Variants in LYST observed in about 807,000 individuals in gnomAD.
LYST encodes the protein lysosomal trafficking regulator.
Under a neutral mutation model 413.6 loss-of-function variants are expected in LYST, and 192 were observed. The ratio of observed to expected loss-of-function variants is 0.46; its 90% CI spans 0.41 to 0.52. The LOEUF (loss-of-function observed/expected upper bound fraction) is 0.52. Ranked by LOEUF, LYST falls within the 20% of genes least tolerant of loss-of-function variation. LYST has a pLI of 0.00. For missense variants in LYST, 3,815 were observed against 4,499.9 expected (o/e 0.85, Z 4.35); for synonymous variants, 1,525 against 1,567.3 (o/e 0.97, Z 0.64).
chr1:235,814,974 T>C (rs554935750), intron 3 of LYST, among the ~76,000 whole-genome samples: 1 of 152,252 alleles, frequency 6.6e-6, no homozygotes, highest in African/African-American at 2.4e-5. Flanking sequence ...ACATACACTG[T>C]TTCTGCAATT....
At chr1:235,851,398 G>C (rs1678519235) in intron 1 of LYST, among the ~76,000 whole-genome samples, 1 of 151,198 alleles carries the variant, frequency 6.6e-6, no homozygotes, top group South Asian at 2.1e-4. Context: ...CTGAGGACTT[G>C]GGGGGAAGAG....
rs948962287 is a variant in LYST, at chr1:235,662,083, A to G, written c.*857T>C. 1 of 152,202 alleles carries G rather than the reference A, an allele frequency of 6.6e-6. No homozygotes were observed. The highest frequency in any genetic ancestry group is 2.4e-5 in the African/African-American group (1 of 41,460). The allele number at this position is 152,202 out of a possible 1,614,324, so 9.4% of individuals were successfully genotyped here. A position where few individuals can be genotyped will look rare whatever the true frequency, so the allele number is the denominator to read the frequency against. On this transcript the variant is annotated 3_prime_UTR_variant, in exon 53 of 53. Coordinates refer to ENST00000389793, the MANE Select transcript of LYST (RefSeq NM_000081.4). Reference sequence around the variant, plus strand: ...GGCTGTGTTCTTAATACCCATGCAAACTTCTTGCATACTGAAGGCTTTCTA... The same window carrying G: ...GGCTGTGTTCTTAATACCCATGCAAGCTTCTTGCATACTGAAGGCTTTCTA...
At chr1:235,880,325 T>C (rs938139692) in intron 1 of LYST, among the ~76,000 whole-genome samples, 1 of 152,226 alleles carries the variant, frequency 6.6e-6, no homozygotes, top group African/African-American at 2.4e-5. Flanking sequence ...GGAGAATCAA[T>C]AGCATAGACA....
At chr1:235,827,039 AT>A (rs1675414841) in intron 3 of LYST, among the ~76,000 whole-genome samples, 1 of 152,156 alleles carries the variant, frequency 6.6e-6, no homozygotes, top group Admixed American at 6.5e-5. Context: ...TTATACCTCA[AT>A]AAAAAGTTTA....
chr1:235,809,490 T>G lies in LYST; in HGVS notation c.1328A>C (p.Asn443Thr). The G allele has an allele frequency of 6.2e-7, 1 of 1,614,042 alleles. No individual in the cohort carries two copies. Among genetic ancestry groups the G allele is most frequent in the South Asian group, 1.1e-5 (1 of 91,082 alleles). ...TTGAAGAACTGCTGTTTCAAATAAATTAAATCCATGATGCTGAATGAATTC... is the reference window on the plus strand; with the variant it reads ...TTGAAGAACTGCTGTTTCAAATAAAGTAAATCCATGATGCTGAATGAATTC... ...VQEFIQHHGF[N>T]LFETAVLQME... The change falls in exon 5 of 53, where the codon AAT becomes ACT. Residue 443 changes from asparagine (N) to threonine (T), a missense_variant. Asn to Thr is a moderately conservative substitution (Grantham distance 65). Transcript: ENST00000389793. The surrounding 1 kb of genome is among the most constrained non-coding windows in gnomAD (Gnocchi z 4.0).
rs568323480 is a variant in LYST, at chr1:235,781,207, G to A, written c.5024-152C>T. ...TTGATAAAGCCTCAATTTCGAAATTGGTGTAACGAGAAAATAACCTATGTC... is the reference window on the plus strand; with the variant it reads ...TTGATAAAGCCTCAATTTCGAAATTAGTGTAACGAGAAAATAACCTATGTC... On this transcript the variant is annotated intron_variant, in intron 15 of 52. Coordinates refer to ENST00000389793, the MANE Select transcript of LYST (RefSeq NM_000081.4). 869 of 606,522 alleles carry A rather than the reference G, an allele frequency of 1.4e-3. 6 individuals are homozygous for A. The highest frequency in any genetic ancestry group is 1.4e-3 in the Non-Finnish European group (473 of 340,106). 37.6% of individuals were successfully genotyped at this position (606,522 alleles called of 1,614,324 possible). A position where few individuals can be genotyped will look rare whatever the true frequency, so the allele number is the denominator to read the frequency against.
At chr1:235,738,559 G>T in intron 31 of LYST, 3 of 1,611,020 alleles carry the variant, frequency 1.9e-6, no homozygotes, top group Non-Finnish European at 2.5e-6. Context: ...AGCTGTCATG[G>T]GTGAGTCCTT....
In LYST at chr1:235,830,421, C is replaced by A; in HGVS notation, c.-4G>T. 1 of 1,603,958 alleles carries A rather than the reference C, an allele frequency of 6.2e-7. No homozygotes were observed. On this transcript the variant is annotated 5_prime_UTR_variant, in exon 3 of 53. Transcript: ENST00000389793. ...GTGAGTTACTGTCGGTGCTCATGAC[C>A]GAGCTATAAAATAAGTATTACAAAA... is the stretch of plus-strand genomic sequence containing the variant.
Position 235,733,882 on chromosome 1 carries a change from C to G in LYST, c.8560G>C (p.Glu2854Gln), listed in dbSNP as rs144384971. Residue 2854 changes from glutamate to glutamine, a missense_variant, in exon 33 of 53, where the codon GAA becomes CAA. Coordinates refer to ENST00000389793, the MANE Select transcript of LYST (RefSeq NM_000081.4). ...KEEQKKYETE[E>Q]GVNKAAWQKT... ...TGCCAAGCAGCTTTATTCACTCCTT[C>G]TTCAGTTTCATATTTCTTTTGTTCC... 1 of 1,592,052 alleles carries G rather than the reference C, an allele frequency of 6.3e-7. No homozygotes were observed. The highest frequency in any genetic ancestry group is 8.6e-7 in the Non-Finnish European group (1 of 1,160,556).
Position 235,734,583 on chromosome 1 carries a change from C to CCTAG in LYST, c.8431_8434dup (p.Gly2812AlafsTer31). Reference sequence around the variant, plus strand: ...AGCATTCATAAGCAGTTCTGCTGTGCCTAGCTCTTCTTCAGTCAATTCACC... The same window carrying CCTAG: ...AGCATTCATAAGCAGTTCTGCTGTGCCTAGCTAGCTCTTCTTCAGTCAATTCACC... On this transcript the variant is annotated frameshift_variant, in exon 32 of 53. Transcript: ENST00000389793. LOFTEE classifies it high-confidence loss of function. 1 of 1,613,200 alleles carries CCTAG rather than the reference C, an allele frequency of 6.2e-7. No homozygotes were observed. The highest frequency in any genetic ancestry group is 8.5e-7 in the Non-Finnish European group (1 of 1,179,304).
chr1:235,679,512 T>C (rs560001273), intron 48 of LYST, among the ~76,000 whole-genome samples: 18 of 152,306 alleles, frequency 1.2e-4, no homozygotes, highest in Non-Finnish European at 2.5e-4. Context: ...AACTTTTTCA[T>C]AAATTTATTT....
intron 3 of LYST, chr1:235,828,699 T>G (rs2102989146): frequency 6.1e-6 from 5 of 820,848 alleles, no homozygotes; most frequent in Non-Finnish European, 7.4e-6. Flanking sequence ...TGGTATATTT[T>G]AAAGAAGACA....
chr1:235,804,672 T>G lies in LYST; in HGVS notation c.3394-7A>C. 1.3e-6 allele frequency: 2 copies of G among 1,557,430 alleles called. No homozygotes were observed. The highest frequency in any genetic ancestry group is 1.8e-6 in the Non-Finnish European group (2 of 1,131,372). ...TACTTTCCACAGACAAGTTCTAAGG[T>G]AAAATAAAAGAGACTAAGAATATTA... On this transcript the variant is annotated splice_polypyrimidine_tract_variant and splice_region_variant and intron_variant, in intron 6 of 52. Transcript: ENST00000389793.
intron 1 of LYST, among the ~76,000 whole-genome samples, chr1:235,872,344 A>C (rs1025501684): frequency 1.6e-4 from 24 of 151,956 alleles, no homozygotes; most frequent in Non-Finnish European, 2.9e-4. Context: ...GGAAGACTTC[A>C]GAAATGAAGA....
chr1:235,845,255 G>T (rs1572435094), intron 1 of LYST, among the ~76,000 whole-genome samples: 1 of 152,178 alleles, frequency 6.6e-6, no homozygotes, highest in Non-Finnish European at 1.5e-5. Flanking sequence ...AGAAGTTTCT[G>T]ACCTTACCTG....
At chr1:235,849,271 T>A (rs1205035489) in intron 1 of LYST, among the ~76,000 whole-genome samples, 1 of 152,138 alleles carries the variant, frequency 6.6e-6, no homozygotes, top group African/African-American at 2.4e-5. Context: ...AAAAATCACA[T>A]GATCATCTCA....
Position 235,753,237 on chromosome 1 carries a change from G to A in LYST, c.7267C>T (p.Gln2423Ter). 1 of 1,608,578 alleles carries A rather than the reference G, an allele frequency of 6.2e-7. No homozygotes were observed. Among genetic ancestry groups the A allele is most frequent in the Non-Finnish European group, 8.5e-7 (1 of 1,175,248 alleles). Residue 2423 changes from glutamine (Q) to a stop codon, truncating the protein, a stop_gained, in exon 26 of 53, where the codon CAG (glutamine) becomes TAG (stop). Transcript: ENST00000389793. LOFTEE classifies it high-confidence loss of function. ...AGAATAGGAATGACAGACCACTTCT[G>A]AAACAATCCCATGTTTCTCACATCT... ...LEDVRNMGLFQKWSVIPILGL... is the reference protein window; with the variant it reads ...LEDVRNMGLF
At position 235,809,554 on chromosome 1, in the gene LYST, T is replaced by C. The variant is rs1673229737; in HGVS notation, c.1264A>G (p.Asn422Asp). The change falls in exon 5 of 53, where the codon AAT becomes GAT. Residue 422 changes from asparagine (N) to aspartate (D), a missense_variant. By Grantham distance (23) the Asn-to-Asp change is conservative. Coordinates refer to ENST00000389793, the MANE Select transcript of LYST (RefSeq NM_000081.4). This position sits in a 1 kb window ranked among gnomAD's most constrained non-coding sequence, Gnocchi z 4.0. ...LICCLQSAAS[N>D]PFYFSQAMDL... ...ATGGCTTGACTGAAGTAGAAGGGAT[T>C]TGAAGCTGCACTTTGAAGACAACAG... is the stretch of plus-strand genomic sequence containing the variant. The C allele has an allele frequency of 6.2e-7, 1 of 1,614,064 alleles. No homozygotes were observed. The highest frequency in any genetic ancestry group is 8.5e-7 in the Non-Finnish European group (1 of 1,179,968).
intron 14 of LYST, among the ~76,000 whole-genome samples, chr1:235,782,884 C>T (rs899168102): frequency 6.6e-6 from 1 of 152,178 alleles, no homozygotes; most frequent in Non-Finnish European, 1.5e-5. Flanking sequence ...ATACTTTCTG[C>T]ATTTTCTGTT....
Sources: gnomAD v4.1 joint callset for allele counts (sites outside exome capture counted in the v4.1 genomes callset) on GRCh38, gnomAD v4.1.1 for gene constraint, Gnocchi (gnomAD v3.1) non-coding constraint, MANE v1.5 for transcripts, NCBI Gene and HGNC (gene_info 2026-07-23, HGNC 2026-07-21) for gene names.